SESN2: variants seen among roughly 807,000 people sequenced by gnomAD.
SESN2 encodes the protein sestrin-2.
A neutral mutation model predicts 56.0 loss-of-function variants in SESN2; 42 were observed. That is an observed-to-expected ratio of 0.75 (90% CI 0.59 to 0.97). The LOEUF is 0.97. SESN2 is among the 50% of genes least tolerant of loss of function. The pLI is 0.00. For missense variants in SESN2, 507 were observed against 649.4 expected (o/e 0.78, Z 2.38); for synonymous variants, 264 against 267.1 (o/e 0.99, Z 0.11).
rs573915023 is a variant in SESN2, at chr1:28,261,970, A to T, written c.90+2033A>T. Among the ~76,000 whole-genome samples, 3 of 152,108 alleles carry T rather than the reference A, an allele frequency of 2.0e-5. No individual in the cohort carries two copies. In the East Asian group the frequency reaches 5.8e-4, roughly 29 times the overall value. On this transcript the variant is annotated intron_variant, in intron 1 of 9. Transcript: ENST00000253063. ...TAATTTTTGTATTTTCAGTAGAAAC[A>T]GAGTTTCAGCATGTTGGCCAGGCTG...
intron 9 of SESN2, among the ~76,000 whole-genome samples, chr1:28,279,833 TGC>T (rs1648172296): frequency 6.6e-6 from 1 of 151,656 alleles, no homozygotes; most frequent in Non-Finnish European, 1.5e-5. Context: ...TGAGTCATCG[TGC>T]CTGGCCTCTC....
intron 8 of SESN2, 33 bp from the exon 9 acceptor site, chr1:28,279,064 C>T (rs1247534909): frequency 6.2e-7 from 1 of 1,611,494 alleles, no homozygotes; most frequent in Non-Finnish European, 8.5e-7. Flanking sequence ...GGGAAGAAAG[C>T]ATGAGTAATG....
At chr1:28,272,840 C>T (rs1647840388) in intron 5 of SESN2, 47 bp downstream of exon 5, 1 of 1,099,764 alleles carries the variant, frequency 9.1e-7, no homozygotes, top group Non-Finnish European at 1.3e-6. Context: ...CGGGCATGAC[C>T]TCTGGTCCTT....
intron 1 of SESN2, among the ~76,000 whole-genome samples, chr1:28,260,899 C>G (rs1262044275): frequency 6.6e-6 from 1 of 152,006 alleles, no homozygotes; most frequent in Non-Finnish European, 1.5e-5. Flanking sequence ...TAACCTAAGT[C>G]CTCAGGACTA....
intron 1 of SESN2, among the ~76,000 whole-genome samples, chr1:28,267,894 T>C (rs900881105): frequency 2.0e-5 from 3 of 152,172 alleles, no homozygotes; most frequent in Non-Finnish European, 4.4e-5. Context: ...CTCCACTAAA[T>C]GTGATCTGGT....
chr1:28,261,343 G>C (rs1057250571), intron 1 of SESN2, among the ~76,000 whole-genome samples: 1 of 152,156 alleles, frequency 6.6e-6, no homozygotes, highest in Non-Finnish European at 1.5e-5. Context: ...TTACTATTGA[G>C]AACACCTGAA....
chr1:28,277,365 G>A (rs1428367831), intron 8 of SESN2, among the ~76,000 whole-genome samples: 1 of 152,080 alleles, frequency 6.6e-6, no homozygotes, highest in East Asian at 1.9e-4. Context: ...ATAGGTGGGT[G>A]CCACCATGCC....
rs568975176 is a variant in SESN2, at chr1:28,279,006, T to G, written c.1212-91T>G. 8.0e-5 allele frequency: 103 copies of G among 1,287,102 alleles called. 1 individual carries two copies. In the South Asian group the frequency reaches 1.2e-3, roughly 16 times the overall value. 79.7% of individuals were successfully genotyped at this position (1,287,102 alleles called of 1,614,324 possible). ...TCTACCTTCTGATTTTTCTCAACAC[T>G]CTGTTCTTCCCTCTGTAGGGTGGGG... On this transcript the variant is annotated intron_variant, in intron 8 of 9. Transcript: ENST00000253063.
chr1:28,272,643 G>T lies in SESN2; in HGVS notation c.600G>T (p.Leu200=). ...SLAELIQALV[L]LTHCHSLSSF... ...CCGAGCTCATTCAGGCTCTGGTCCT[G>T]CTCACCCACTGCCACTCGCTCTCCT... Residue 200 remains leucine (L), a synonymous_variant, in exon 5 of 10, where the codon CTG becomes CTT. Transcript: ENST00000253063. 1 of 1,614,096 alleles carries T rather than the reference G, an allele frequency of 6.2e-7. No homozygotes were observed. The highest frequency in any genetic ancestry group is 8.5e-7 in the Non-Finnish European group (1 of 1,180,004).
intron 8 of SESN2, among the ~76,000 whole-genome samples, chr1:28,276,673 G>A (rs376695939): frequency 1.7e-4 from 22 of 127,898 alleles, no homozygotes; most frequent in Non-Finnish European, 2.7e-4. Context: ...TCCGCCTCCC[G>A]GATTCGAGGG....
At chr1:28,269,716 T>A (rs1001137995) in intron 2 of SESN2, among the ~76,000 whole-genome samples, 1 of 152,236 alleles carries the variant, frequency 6.6e-6, no homozygotes, top group African/African-American at 2.4e-5. Flanking sequence ...TGCCACTGTT[T>A]ACTGTGCTTT....
chr1:28,263,442 G>A (rs143648813), intron 1 of SESN2, among the ~76,000 whole-genome samples: 5 of 152,230 alleles, frequency 3.3e-5, no homozygotes, highest in African/African-American at 7.2e-5. Flanking sequence ...CTGTATTTCC[G>A]TATCGTCTTC....
rs758798372 is a variant in SESN2, at chr1:28,272,737, A to T, written c.694A>T (p.Thr232Ser). 1 of 1,612,552 alleles carries T rather than the reference A, an allele frequency of 6.2e-7. No individual in the cohort carries two copies. Among genetic ancestry groups the T allele is most frequent in the Non-Finnish European group, 8.5e-7 (1 of 1,178,710 alleles). Residue 232 changes from threonine (T) to serine (S), a missense_variant, in exon 5 of 10, where the codon ACA (threonine) becomes TCA (serine). Transcript: ENST00000253063. The stretch of plus-strand genomic sequence containing the variant: ...TGGCAGCCCTGCCCCCCAGGCACCT[A>T]CACCCCCTAGTGAACAGAGCAGCCC... ...ADGSPAPQAP[T>S]PPSEQSSPPS...
chr1:28,261,182 G>A (rs942799621), intron 1 of SESN2, among the ~76,000 whole-genome samples: 1 of 152,268 alleles, frequency 6.6e-6, no homozygotes, highest in Middle Eastern at 3.4e-3. Context: ...GGTTTCTGGG[G>A]ATCCTACCTC....
At chr1:28,269,780 G>A (rs1282890053) in intron 2 of SESN2, among the ~76,000 whole-genome samples, 1 of 151,930 alleles carries the variant, frequency 6.6e-6, no homozygotes, top group Admixed American at 6.6e-5. Context: ...TTTACAACGT[G>A]TTTTTTTGTT....
chr1:28,274,801 C>A, intron 7 of SESN2, 24 bp from the exon 8 acceptor site: 1 of 1,587,102 alleles, frequency 6.3e-7, no homozygotes, highest in South Asian at 1.1e-5. Context: ...CAAAGACTCA[C>A]CAATCCCTTC....
chr1:28,278,332 G>T (rs1176907002), intron 8 of SESN2, among the ~76,000 whole-genome samples: 2 of 152,184 alleles, frequency 1.3e-5, no homozygotes, highest in African/African-American at 2.4e-5. Flanking sequence ...ACTTTGGGAG[G>T]CTGAGGCAGG....
At chr1:28,273,590 C>G (rs1647877845) in intron 6 of SESN2, 82 bp downstream of exon 6, 1 of 1,301,772 alleles carries the variant, frequency 7.7e-7, no homozygotes, top group East Asian at 2.6e-5. Flanking sequence ...CTCCTGCATT[C>G]CAGAGGCAGC....
At position 28,259,565 on chromosome 1, in the gene SESN2, C is replaced by T; in HGVS notation, c.-283C>T. 2 of 348,562 alleles carry T rather than the reference C, an allele frequency of 5.7e-6. No individual in the cohort carries two copies. The highest frequency in any genetic ancestry group is 1.0e-5 in the Non-Finnish European group (2 of 193,598). 21.6% of individuals were successfully genotyped at this position (348,562 alleles called of 1,614,324 possible). A position where few individuals can be genotyped will look rare whatever the true frequency, so the allele number is the denominator to read the frequency against. On this transcript the variant is annotated 5_prime_UTR_variant, in exon 1 of 10. Coordinates refer to ENST00000253063, the MANE Select transcript of SESN2 (RefSeq NM_031459.5). The stretch of plus-strand genomic sequence containing the variant: ...TGCTGAGGAGCGCTGGGTCCGGGAG[C>T]AGCCCTGGCCCCTGCGGACTTCCGA...
Sources: allele counts gnomAD v4.1 joint callset (sites outside exome capture counted in the v4.1 genomes callset), GRCh38; gene constraint gnomAD v4.1.1; transcripts MANE v1.5; gene names NCBI Gene and HGNC (gene_info 2026-07-23, HGNC 2026-07-21).